The following ZBED6 variants were observed in gnomAD, a reference collection of about 807,000 sequenced individuals.
ZBED6 encodes zinc finger BED-type containing 6.
In ZBED6, 40 loss-of-function variants were observed where a neutral mutation model predicts 58.4. The observed-to-expected ratio is 0.68, with a 90% CI of 0.53 to 0.89. The LOEUF is 0.89. ZBED6 is among the 40% of genes least tolerant of loss of function. ZBED6 has a pLI of 0.00. For missense variants in ZBED6, 1,057 were observed against 1,003.9 expected (o/e 1.05, Z -0.71); for synonymous variants, 439 against 350.6 (o/e 1.25, Z -2.82).
intron 8 of ZBED6, among the ~76,000 whole-genome samples, chr1:203,833,576 G>C (rs1185343244): frequency 6.9e-6 from 1 of 145,650 alleles, no homozygotes; most frequent in Admixed American, 6.9e-5. Flanking sequence ...TATTGCTTCT[G>C]TTTAGGCTGT....
chr1:203,831,481 A>G (rs1682338221), intron 7 of ZBED6, among the ~76,000 whole-genome samples, 180 bp from the exon 8 acceptor site: 1 of 152,214 alleles, frequency 6.6e-6, no homozygotes, highest in Non-Finnish European at 1.5e-5. Flanking sequence ...CATCATGCCC[A>G]AGGCTCCCCT....
intron 10 of ZBED6, among the ~76,000 whole-genome samples, chr1:203,839,410 G>C (rs942377632): frequency 2.0e-5 from 3 of 152,186 alleles, no homozygotes; most frequent in African/African-American, 7.2e-5. Context: ...TTTTCTGCTT[G>C]TATGACTTGC....
exon 17 of ZBED6, chr1:203,852,278 A>G (rs927183284): frequency 6.2e-7 from 1 of 1,613,576 alleles, no homozygotes; most frequent in African/African-American, 1.3e-5. Context: ...TCTGTGGAGG[A>G]TGATTTTGAG....
At chr1:203,810,005 A>G (rs1485393733) in intron 1 of ZBED6, among the ~76,000 whole-genome samples, 2 of 152,106 alleles carry the variant, frequency 1.3e-5, no homozygotes, top group Admixed American at 6.6e-5. Context: ...TTGGCAACCT[A>G]GATACTTTTT....
chr1:203,851,041 ACT>A lies in ZBED6; in HGVS notation c.*4806-13_*4806-12del. The stretch of plus-strand genomic sequence containing the variant: ...AGCCTGACTCTCACTGAATTACCTG[ACT>A]CTTCCTTTTGTAGGCTGTTGTCCCG... On this transcript the variant is annotated splice_polypyrimidine_tract_variant and intron_variant, in intron 15 of 16. Transcript: ENST00000550078. The A allele has an allele frequency of 6.2e-7, 1 of 1,613,426 alleles. No individual in the cohort carries two copies. The highest frequency in any genetic ancestry group is 8.5e-7 in the Non-Finnish European group (1 of 1,179,806).
exon 5 of ZBED6, chr1:203,829,499 G>A: frequency 6.2e-7 from 1 of 1,613,976 alleles, no homozygotes; most frequent in Non-Finnish European, 8.5e-7. Context: ...GTGAAGGCTA[G>A]CCAACTTTCA....
chr1:203,825,095 A>AG (rs397973128), intron 3 of ZBED6, among the ~76,000 whole-genome samples: 1 of 151,248 alleles, frequency 6.6e-6, no homozygotes, highest in Non-Finnish European at 1.5e-5. Flanking sequence ...AAAAAAAAAA[A>AG]GAAAATAGAT....
intron 1 of ZBED6, among the ~76,000 whole-genome samples, chr1:203,813,992 G>A (rs553652511): frequency 6.6e-6 from 1 of 150,802 alleles, no homozygotes; most frequent in Non-Finnish European, 1.5e-5. Flanking sequence ...TTGCAATATG[G>A]ATAGAGTGAG....
exon 1 of ZBED6, chr1:203,799,174 T>A (rs1335343874): frequency 7.5e-7 from 1 of 1,327,794 alleles, no homozygotes; most frequent in East Asian, 2.5e-5. Context: ...GGTCTGTGGC[T>A]TTCTCCAAAT....
rs1410267533 is a variant in ZBED6 at position 203,847,706 on chromosome 1, C to G, written c.*4245+19C>G. ...AGAACAGGTAACAAGAGAACTTGGTCTCTAGTACCACGTCCCCACATAATA... is the reference window on the plus strand; with the variant it reads ...AGAACAGGTAACAAGAGAACTTGGTGTCTAGTACCACGTCCCCACATAATA... On this transcript the variant is annotated intron_variant, in intron 12 of 16. Transcript: ENST00000550078. 5.0e-6 allele frequency: 8 copies of G among 1,606,274 alleles called. No homozygotes were observed. Among genetic ancestry groups the G allele is most frequent in the Non-Finnish European group, 5.9e-6 (7 of 1,177,670 alleles).
chr1:203,824,582 C>T (rs1339433293), intron 3 of ZBED6, among the ~76,000 whole-genome samples: 2 of 152,134 alleles, frequency 1.3e-5, no homozygotes, highest in Non-Finnish European at 2.9e-5. Flanking sequence ...CACATTGGTT[C>T]ACAAATTGAG....
At chr1:203,834,577 T>A (rs1017062602) in intron 9 of ZBED6, among the ~76,000 whole-genome samples, 3 of 152,196 alleles carry the variant, frequency 2.0e-5, no homozygotes, top group African/African-American at 4.8e-5. Context: ...TGGCTGCTAT[T>A]TTATTTTTGG....
chr1:203,834,667 G>T (rs1178180079), intron 9 of ZBED6, among the ~76,000 whole-genome samples: 1 of 151,990 alleles, frequency 6.6e-6, no homozygotes, highest in Non-Finnish European at 1.5e-5. Context: ...ATTATCATTT[G>T]AAACGAGAGT....
chr1:203,839,173 T>A (rs1220379957), intron 10 of ZBED6, among the ~76,000 whole-genome samples: 1 of 152,088 alleles, frequency 6.6e-6, no homozygotes, highest in Non-Finnish European at 1.5e-5. Flanking sequence ...TTTGGAGACG[T>A]GGACTAAATC....
exon 1 of ZBED6, chr1:203,797,368 A>G: frequency 2.9e-6 from 2 of 687,074 alleles, no homozygotes; most frequent in South Asian, 2.6e-5. Context: ...TTCCTCCAAA[A>G]ATAACCTGGC....
chr1:203,816,507 TA>T (rs1676426510), intron 1 of ZBED6, among the ~76,000 whole-genome samples: 1 of 152,136 alleles, frequency 6.6e-6, no homozygotes, highest in African/African-American at 2.4e-5. Flanking sequence ...TATGTGCCTG[TA>T]GTCCTGGATA....
At chr1:203,822,095 T>G (rs1243548837) in intron 3 of ZBED6, among the ~76,000 whole-genome samples, 1 of 152,170 alleles carries the variant, frequency 6.6e-6, no homozygotes, top group African/African-American at 2.4e-5. Flanking sequence ...TTACAAATTA[T>G]GAGTTCATAT....
chr1:203,847,184 A>G (rs745400172), exon 12 of ZBED6: 1 of 1,612,394 alleles, frequency 6.2e-7, no homozygotes, highest in South Asian at 1.1e-5. Flanking sequence ...GTGAAAACAG[A>G]TAAAGTTAAT....
chr1:203,807,773 G>A (rs932690875), intron 1 of ZBED6, among the ~76,000 whole-genome samples: 2 of 151,792 alleles, frequency 1.3e-5, no homozygotes, highest in African/African-American at 4.8e-5. Context: ...AGAGGGTCTT[G>A]CTCTGTTGCG....
Sources: gnomAD v4.1 joint callset for allele counts (sites outside exome capture counted in the v4.1 genomes callset) on GRCh38, gnomAD v4.1.1 for gene constraint, MANE v1.5 for transcripts, NCBI Gene and HGNC (gene_info 2026-07-23, HGNC 2026-07-21) for gene names.